SPATA6: variants seen among roughly 807,000 people sequenced by gnomAD.
SPATA6 encodes spermatogenesis-associated protein 6.
Under a neutral mutation model 65.3 loss-of-function variants are expected in SPATA6, and 56 were observed. The observed-to-expected ratio is 0.86, with a 90% CI of 0.69 to 1.07. The LOEUF is 1.07. Ranked by LOEUF, SPATA6 falls within the 50% of genes least tolerant of loss-of-function variation. The pLI is 0.00. For missense variants in SPATA6, 590 were observed against 594.8 expected (o/e 0.99, Z 0.08); for synonymous variants, 199 against 213.2 (o/e 0.93, Z 0.58).
At chr1:48,327,230 C>T (rs1304216243) in intron 11 of SPATA6, among the ~76,000 whole-genome samples, 1 of 152,052 alleles carries the variant, frequency 6.6e-6, no homozygotes, top group Non-Finnish European at 1.5e-5. Flanking sequence ...AAGCGGCTAA[C>T]AAACACACAA....
At chr1:48,366,544 A>C (rs1318553605) in intron 9 of SPATA6, among the ~76,000 whole-genome samples, 1 of 152,090 alleles carries the variant, frequency 6.6e-6, no homozygotes, top group Non-Finnish European at 1.5e-5. Flanking sequence ...GTGTCTACGA[A>C]TTTATCCATT....
At chr1:48,399,267 A>T in intron 7 of SPATA6, 84 bp downstream of exon 7, 1 of 1,416,806 alleles carries the variant, frequency 7.1e-7, no homozygotes, top group Non-Finnish European at 9.6e-7. Flanking sequence ...TATAAGCTAG[A>T]AGTTGAAAGA....
chr1:48,319,381 C>T (rs1645533158), intron 11 of SPATA6, among the ~76,000 whole-genome samples: 2 of 152,046 alleles, frequency 1.3e-5, no homozygotes, highest in Non-Finnish European at 2.9e-5. Flanking sequence ...GACTTGTACT[C>T]AGAATATATA....
At chr1:48,376,940 A>G (rs1647989334) in intron 9 of SPATA6, among the ~76,000 whole-genome samples, 1 of 152,176 alleles carries the variant, frequency 6.6e-6, no homozygotes, top group Admixed American at 6.5e-5. Context: ...ATAATCTTAC[A>G]AAACGACTGC....
At chr1:48,299,482 C>A (rs1261897471) in intron 12 of SPATA6, among the ~76,000 whole-genome samples, 2 of 122,454 alleles carry the variant, frequency 1.6e-5, no homozygotes, top group Non-Finnish European at 3.3e-5. Flanking sequence ...CCATTGCACC[C>A]CAGCCTGGAC....
At chr1:48,360,849 T>C (rs1460661241) in intron 9 of SPATA6, among the ~76,000 whole-genome samples, 1 of 152,130 alleles carries the variant, frequency 6.6e-6, no homozygotes, top group Non-Finnish European at 1.5e-5. Context: ...ATTCACAATA[T>C]ATTTAGAAGA....
chr1:48,335,458 C>G (rs1397308989), intron 11 of SPATA6, among the ~76,000 whole-genome samples: 1 of 151,940 alleles, frequency 6.6e-6, no homozygotes, highest in Non-Finnish European at 1.5e-5. Context: ...GCCAATAGAA[C>G]AGAAGAGAGA....
intron 3 of SPATA6, among the ~76,000 whole-genome samples, chr1:48,438,188 G>A (rs1042667071): frequency 4.6e-5 from 7 of 152,022 alleles, no homozygotes; most frequent in East Asian, 1.9e-4. Flanking sequence ...AACACTCCCC[G>A]CAAAGGTCCA....
At chr1:48,428,955 A>G (rs1251066992) in intron 3 of SPATA6, among the ~76,000 whole-genome samples, 1 of 151,842 alleles carries the variant, frequency 6.6e-6, no homozygotes, top group Non-Finnish European at 1.5e-5. Flanking sequence ...TTGGAAGACT[A>G]GAGTCTATCA....
intron 8 of SPATA6, among the ~76,000 whole-genome samples, chr1:48,389,129 G>C (rs1466890260): frequency 6.6e-6 from 1 of 152,126 alleles, no homozygotes; most frequent in Non-Finnish European, 1.5e-5. Context: ...ACAGGCATAA[G>C]CCATCGTGCC....
At chr1:48,332,007 T>G (rs891692110) in intron 11 of SPATA6, among the ~76,000 whole-genome samples, 2 of 152,168 alleles carry the variant, frequency 1.3e-5, no homozygotes, top group African/African-American at 2.4e-5. Context: ...ATGATCATTT[T>G]CAATTTGATC....
At chr1:48,267,838 G>T in the SPATA6 span, among the ~76,000 whole-genome samples, 2 of 140,938 alleles carry the variant, frequency 1.4e-5, no homozygotes. Context: ...TGCAAGTTCC[G>T]CCTCCCGGGT....
At position 48,296,316 on chromosome 1, in the gene SPATA6, G is replaced by A. The variant is rs1644812352; in HGVS notation, c.*2397C>T. On this transcript the variant is annotated 3_prime_UTR_variant, in exon 13 of 13. Coordinates refer to ENST00000371847, the MANE Select transcript of SPATA6 (RefSeq NM_019073.4). ...CAACATGGACCACTCTTTCCTCCTA[G>A]GGGATAGAAGATAATCAGACACTTA... The A allele has an allele frequency of 6.6e-6, 1 of 152,156 alleles. No homozygotes were observed. The highest frequency in any genetic ancestry group is 1.5e-5 in the Non-Finnish European group (1 of 68,020). 9.4% of individuals were successfully genotyped at this position (152,156 alleles called of 1,614,324 possible).
chr1:48,301,728 A>AAAT (rs1394453064), intron 12 of SPATA6, among the ~76,000 whole-genome samples: 1 of 152,182 alleles, frequency 6.6e-6, no homozygotes, highest in Admixed American at 6.5e-5. Context: ...AAATCCACAC[A>AAAT]TTTACAGTAA....
rs1341569680 is a variant in SPATA6 at position 48,298,171 on chromosome 1, C to T, written c.*542G>A. On this transcript the variant is annotated 3_prime_UTR_variant, in exon 13 of 13. Transcript: ENST00000371847. ...GATCATATAGTCTTTAAAAAGAAAG[C>T]CTATGAGCTAAGAAATAGAATAGCC... is the stretch of plus-strand genomic sequence containing the variant. 3 of 151,912 alleles carry T rather than the reference C, an allele frequency of 2.0e-5. No individual in the cohort carries two copies. Among genetic ancestry groups the T allele is most frequent in the African/African-American group, 7.3e-5 (3 of 41,358 alleles). 9.4% of individuals were successfully genotyped at this position (151,912 alleles called of 1,614,324 possible). A position where few individuals can be genotyped will look rare whatever the true frequency, so the allele number is the denominator to read the frequency against.
chr1:48,311,707 G>A (rs2148667619), intron 11 of SPATA6, among the ~76,000 whole-genome samples: 1 of 152,326 alleles, frequency 6.6e-6, no homozygotes, highest in African/African-American at 2.4e-5. Flanking sequence ...ACTAGGGACT[G>A]TCGGACAGTG....
At chr1:48,454,589 G>A (rs1227776117) in intron 1 of SPATA6, among the ~76,000 whole-genome samples, 1 of 152,126 alleles carries the variant, frequency 6.6e-6, no homozygotes, top group Non-Finnish European at 1.5e-5. Context: ...TTGTGTACAT[G>A]CATTTTAATT....
chr1:48,312,953 G>C (rs975578833), intron 11 of SPATA6, among the ~76,000 whole-genome samples: 1 of 152,116 alleles, frequency 6.6e-6, no homozygotes, highest in African/African-American at 2.4e-5. Context: ...ATCAGTGATG[G>C]AAGATCAAAT....
At chr1:48,318,182 T>A (rs966272082) in intron 11 of SPATA6, among the ~76,000 whole-genome samples, 1 of 152,180 alleles carries the variant, frequency 6.6e-6, no homozygotes, top group Non-Finnish European at 1.5e-5. Context: ...AATAGCATAC[T>A]TATTTTTAAA....
Sources: gnomAD v4.1 joint callset for allele counts (sites outside exome capture counted in the v4.1 genomes callset) on GRCh38, gnomAD v4.1.1 for gene constraint, MANE v1.5 for transcripts, NCBI Gene and HGNC (gene_info 2026-07-23, HGNC 2026-07-21) for gene names.